Variants in HSF2BP observed in about 807,000 individuals in gnomAD.
HSF2BP encodes the protein heat shock transcription factor 2 binding protein.
In HSF2BP, 35 loss-of-function variants were observed where a neutral mutation model predicts 35.0. The observed-to-expected ratio is 1.00, with a 90% CI of 0.76 to 1.32. The LOEUF is 1.32. Among genes scored for constraint, HSF2BP ranks in the 40% most tolerant of loss-of-function variants. HSF2BP has a pLI of 0.00. For synonymous variants in HSF2BP, 114 were observed against 117.4 expected, an observed-to-expected ratio of 0.97 and a Z score of 0.18; for missense variants, 326 against 321.7, an observed-to-expected ratio of 1.01 and a Z score of -0.10.
chr21:43,600,478 G>A (rs1218374780), intron 7 of HSF2BP, among the ~76,000 whole-genome samples: 2 of 152,156 alleles, frequency 1.3e-5, no homozygotes, highest in Admixed American at 1.3e-4. Context: ...CATGTAATTT[G>A]AGAAAGCAAT....
At chr21:43,609,982 A>G (rs1193605275) in intron 7 of HSF2BP, 1 of 152,556 alleles carries the variant, frequency 6.6e-6, no homozygotes, top group Admixed American at 6.5e-5. Context: ...AGAGGCTAGA[A>G]GTGACCCAGC....
intron 4 of HSF2BP, among the ~76,000 whole-genome samples, chr21:43,643,973 A>C (rs9917493): frequency 1.3e-5 from 2 of 152,002 alleles, no homozygotes; most frequent in Non-Finnish European, 2.9e-5. Context: ...AAAGGAAAAA[A>C]AAAATTAATT....
chr21:43,594,672 AAG>A (rs1323490886), intron 7 of HSF2BP, among the ~76,000 whole-genome samples: 1 of 152,126 alleles, frequency 6.6e-6, no homozygotes, highest in African/African-American at 2.4e-5. Context: ...AAGGAACGAA[AAG>A]AGAAGAAGGG....
At chr21:43,579,568 C>G (rs112314110) in intron 8 of HSF2BP, among the ~76,000 whole-genome samples, 30 of 152,054 alleles carry the variant, frequency 2.0e-4, no homozygotes, top group African/African-American at 7.2e-4. Flanking sequence ...ATCTGATTAC[C>G]CTTAATACAG....
chr21:43,578,139 A>C (rs2081668916), intron 8 of HSF2BP, among the ~76,000 whole-genome samples: 1 of 152,156 alleles, frequency 6.6e-6, no homozygotes, highest in Admixed American at 6.6e-5. Context: ...CACTGTTGGC[A>C]GAAGGATGCC....
intron 5 of HSF2BP, 60 bp downstream of exon 5, chr21:43,633,212 T>C (rs532544420): frequency 5.4e-4 from 836 of 1,543,126 alleles, no homozygotes; most frequent in Non-Finnish European, 6.8e-4. Flanking sequence ...ATAAGCTATA[T>C]GCTCTAATTT....
chr21:43,598,580 T>A (rs575366832), intron 7 of HSF2BP, among the ~76,000 whole-genome samples: 35 of 152,138 alleles, frequency 2.3e-4, no homozygotes, highest in African/African-American at 8.4e-4. Flanking sequence ...GACAGAGCTA[T>A]GCAAGCACCC....
In HSF2BP at chr21:43,597,179, C is replaced by A. The variant is rs2081998041; in HGVS notation, c.693-4851G>T. Among the ~76,000 whole-genome samples, 1 of 152,174 alleles carries A rather than the reference C, an allele frequency of 6.6e-6. No individual in the cohort carries two copies. The highest frequency in any genetic ancestry group is 1.5e-5 in the Non-Finnish European group (1 of 68,040). On this transcript the variant is annotated intron_variant, in intron 7 of 8. Transcript: ENST00000291560. This position sits in a 1 kb window ranked among gnomAD's most constrained non-coding sequence, Gnocchi z 4.3. ...CAGAGAAAGAGGGAGAGCTGCAAGG[C>A]AGAGGAATGAGGCACAGCTCTGCTG...
chr21:43,643,266 A>AT (rs2147077202), intron 4 of HSF2BP, among the ~76,000 whole-genome samples: 1 of 152,070 alleles, frequency 6.6e-6, no homozygotes, highest in East Asian at 1.9e-4. Flanking sequence ...TATGTACATG[A>AT]TTTTTTCCTC....
At chr21:43,632,825 G>A (rs1350952229) in intron 5 of HSF2BP, among the ~76,000 whole-genome samples, 2 of 152,150 alleles carry the variant, frequency 1.3e-5, no homozygotes, top group Non-Finnish European at 2.9e-5. Context: ...CGACTGTGCA[G>A]GGGGTCAGCG....
intron 2 of HSF2BP, 127 bp downstream of exon 2, chr21:43,657,934 G>A (rs1197145974): frequency 4.7e-6 from 7 of 1,496,420 alleles, no homozygotes; most frequent in African/African-American, 4.2e-5. Context: ...CGTTAGGGGA[G>A]GAAGTCTCCA....
At position 43,582,342 on chromosome 21, in the gene HSF2BP, C is replaced by T. The variant is rs144802244; in HGVS notation, c.796+9883G>A. On this transcript the variant is annotated intron_variant, in intron 8 of 8. Coordinates refer to ENST00000291560, the MANE Select transcript of HSF2BP (RefSeq NM_007031.2). ...AGGGCCTGTTGCGGGAGATGAGGGCCGGCTGAGGGAGATGAAGACCTGCTG... is the reference window on the plus strand; with the variant it reads ...AGGGCCTGTTGCGGGAGATGAGGGCTGGCTGAGGGAGATGAAGACCTGCTG... Among the ~76,000 whole-genome samples the T allele has an allele frequency of 1.9e-4, 24 of 123,206 alleles. 1 individual carries two copies. Among genetic ancestry groups the T allele is most frequent in the East Asian group, 1.2e-3 (5 of 4,292 alleles). The allele number at this position is 123,206 out of a possible 152,430, so 80.8% of individuals were successfully genotyped here.
At chr21:43,653,236 A>G (rs150238780) in intron 3 of HSF2BP, among the ~76,000 whole-genome samples, 2 of 44,806 alleles carry the variant, frequency 4.5e-5, no homozygotes, top group Non-Finnish European at 8.3e-5. Flanking sequence ...GGGAAGGGGA[A>G]GGGAAGGGGA....
chr21:43,656,869 A>C (rs1358884451), intron 2 of HSF2BP, 132 bp from the exon 3 acceptor site: 1 of 700,636 alleles, frequency 1.4e-6, no homozygotes. Flanking sequence ...CCTACTGTAT[A>C]TTCTGCTATA....
At chr21:43,658,397 C>T in intron 1 of HSF2BP, 77 bp from the exon 2 acceptor site, 1 of 427,722 alleles carries the variant, frequency 2.3e-6, no homozygotes. Context: ...TCCTGTTTGG[C>T]GAGGAATGCT....
At chr21:43,579,774 G>A (rs2081699103) in intron 8 of HSF2BP, among the ~76,000 whole-genome samples, 1 of 152,084 alleles carries the variant, frequency 6.6e-6, no homozygotes, top group Non-Finnish European at 1.5e-5. Context: ...TTTGAGTTCC[G>A]ACTCTAACAG....
chr21:43,635,644 C>T (rs1265394178), intron 4 of HSF2BP, among the ~76,000 whole-genome samples: 1 of 151,990 alleles, frequency 6.6e-6, no homozygotes, highest in Non-Finnish European at 1.5e-5. Context: ...GGGCCGGGTG[C>T]GGTGGCTCAC....
At chr21:43,657,689 A>C (rs924611554) in intron 2 of HSF2BP, among the ~76,000 whole-genome samples, 2 of 152,282 alleles carry the variant, frequency 1.3e-5, no homozygotes, top group Non-Finnish European at 2.9e-5. Flanking sequence ...TGGAGGGCAG[A>C]TTCTCTCTAA....
intron 8 of HSF2BP, among the ~76,000 whole-genome samples, chr21:43,576,247 A>T (rs1182410013): frequency 6.6e-6 from 1 of 152,194 alleles, no homozygotes; most frequent in Non-Finnish European, 1.5e-5. Context: ...GTGGAAAATA[A>T]GTCAATGGTT....
Sources: allele counts gnomAD v4.1 joint callset (sites outside exome capture counted in the v4.1 genomes callset), GRCh38; gene constraint gnomAD v4.1.1; non-coding constraint Gnocchi (gnomAD v3.1); transcripts MANE v1.5; gene names NCBI Gene and HGNC (gene_info 2026-07-23, HGNC 2026-07-21).